UBE2QL1: variants seen among roughly 807,000 people sequenced by gnomAD.
UBE2QL1 encodes ubiquitin conjugating enzyme E2 QL1.
In UBE2QL1, 5 loss-of-function variants were observed where a neutral mutation model predicts 12.6. That is an observed-to-expected ratio of 0.40 (90% confidence interval 0.21 to 0.83). UBE2QL1 has a LOEUF of 0.83. UBE2QL1 is among the 40% of genes least tolerant of loss of function. UBE2QL1 has a pLI of 0.37. For synonymous variants in UBE2QL1, 96 were observed against 94.5 expected (o/e 1.02, Z -0.10); for missense variants, 99 against 222.6 (o/e 0.44, Z 3.53).
intron 1 of UBE2QL1, among the ~76,000 whole-genome samples, chr5:6,465,642 G>A (rs1739771397): frequency 1.3e-5 from 2 of 152,242 alleles, no homozygotes; most frequent in South Asian, 4.1e-4. Context: ...TGCTTCGGGT[G>A]CCCCTCTCCG....
intron 1 of UBE2QL1, among the ~76,000 whole-genome samples, chr5:6,453,448 C>G (rs76739755): frequency 1.7e-3 from 264 of 152,316 alleles, no homozygotes; most frequent in African/African-American, 6.1e-3. Context: ...AAAAGATTCA[C>G]AGAACATCAG....
At chr5:6,455,757 C>T (rs1739507046) in intron 1 of UBE2QL1, among the ~76,000 whole-genome samples, 1 of 152,006 alleles carries the variant, frequency 6.6e-6, no homozygotes, top group African/African-American at 2.4e-5. Flanking sequence ...GCAGACACAG[C>T]CTCACCCACC....
intron 1 of UBE2QL1, among the ~76,000 whole-genome samples, chr5:6,485,235 C>G (rs1734440069): frequency 6.6e-6 from 1 of 152,198 alleles, no homozygotes; most frequent in Admixed American, 6.5e-5. Context: ...TGTTTCCTGT[C>G]TCATCCGACT....
At chr5:6,480,118 T>C (rs1579299273) in intron 1 of UBE2QL1, among the ~76,000 whole-genome samples, 1 of 152,220 alleles carries the variant, frequency 6.6e-6, no homozygotes, top group East Asian at 1.9e-4. Context: ...CAGTATCTTG[T>C]TTGCCTTCTC....
chr5:6,456,094 C>G lies in UBE2QL1; in HGVS notation c.354+6847C>G, dbSNP rs1379078712. On this transcript the variant is annotated intron_variant, in intron 1 of 1. Coordinates refer to ENST00000399816, the MANE Select transcript of UBE2QL1 (RefSeq NM_001145161.3). ...CGGGAATCGAGTGCCTCCCGTCATG[C>G]AGGAACTTCCTAGGCATCATTGGGG... Among the ~76,000 whole-genome samples, 3 of 152,334 alleles carry G rather than the reference C, an allele frequency of 2.0e-5. No homozygotes were observed. In the East Asian group the frequency reaches 5.8e-4, roughly 29 times the overall value.
intron 1 of UBE2QL1, among the ~76,000 whole-genome samples, chr5:6,474,410 C>T (rs1734175520): frequency 1.3e-5 from 2 of 152,224 alleles, no homozygotes; most frequent in Non-Finnish European, 2.9e-5. Flanking sequence ...CTTGCCAATG[C>T]TCAGACATCA....
chr5:6,467,897 T>G (rs1479493870), intron 1 of UBE2QL1, among the ~76,000 whole-genome samples: 2 of 152,166 alleles, frequency 1.3e-5, no homozygotes, highest in African/African-American at 4.8e-5. Context: ...AATTTTTTCT[T>G]TCTTCCTTTT....
chr5:6,491,110 G>A (rs1734558044), intron 1 of UBE2QL1, 108 bp from the exon 2 acceptor site: 2 of 1,284,968 alleles, frequency 1.6e-6, no homozygotes, highest in Non-Finnish European at 2.1e-6. Context: ...GCATTGCATT[G>A]ATTCAGACAT....
intron 1 of UBE2QL1, among the ~76,000 whole-genome samples, chr5:6,469,578 G>GTA (rs1015735676): frequency 9.3e-5 from 13 of 140,486 alleles, no homozygotes; most frequent in East Asian, 4.0e-4. Context: ...GTGTGTGTGT[G>GTA]TATATATATA....
chr5:6,483,269 C>G (rs1031885377), intron 1 of UBE2QL1, among the ~76,000 whole-genome samples: 13 of 152,048 alleles, frequency 8.5e-5, no homozygotes, highest in African/African-American at 3.1e-4. Flanking sequence ...AACCCCGTCT[C>G]TACTGAAAAT....
intron 1 of UBE2QL1, among the ~76,000 whole-genome samples, chr5:6,490,519 C>T (rs73038183): frequency 0.035 from 5,278 of 152,240 alleles, 318 homozygotes; most frequent in African/African-American, 0.12. Flanking sequence ...CACCCCCTCC[C>T]GGGATCGTGT....
At chr5:6,468,236 C>T (rs192154030) in intron 1 of UBE2QL1, among the ~76,000 whole-genome samples, 62 of 152,282 alleles carry the variant, frequency 4.1e-4, no homozygotes, top group African/African-American at 1.3e-3. Flanking sequence ...CCTGGTTGAG[C>T]GAGCCCCCTG....
Position 6,449,193 on chromosome 5 carries a change from C to T in UBE2QL1, c.300C>T (p.Ala100=), listed in dbSNP as rs11959306. 1 of 1,501,908 alleles carries T rather than the reference C, an allele frequency of 6.7e-7. No individual in the cohort carries two copies. The highest frequency in any genetic ancestry group is 8.9e-7 in the Non-Finnish European group (1 of 1,120,768). 93.0% of individuals were successfully genotyped at this position (1,501,908 alleles called of 1,614,324 possible). The part of the protein sequence containing the change: ...ELLTPRGWSS[A]YTVEAVMRQF... ...TCACGCCGCGCGGCTGGTCCAGCGCCTACACCGTGGAGGCCGTCATGCGCC... is the reference window on the plus strand; with the variant it reads ...TCACGCCGCGCGGCTGGTCCAGCGCTTACACCGTGGAGGCCGTCATGCGCC... The change falls in exon 1 of 2, where the codon GCC becomes GCT. Residue 100 remains alanine (A), a synonymous_variant. Transcript: ENST00000399816.
intron 1 of UBE2QL1, among the ~76,000 whole-genome samples, chr5:6,474,945 G>A (rs898611952): frequency 6.6e-6 from 1 of 152,206 alleles, no homozygotes. Context: ...TCCGTCTTGA[G>A]GAGAGGCTGG....
chr5:6,477,703 C>T (rs1013141881), intron 1 of UBE2QL1, among the ~76,000 whole-genome samples: 5 of 152,170 alleles, frequency 3.3e-5, no homozygotes, highest in Non-Finnish European at 4.4e-5. Context: ...ATTTGGGTGG[C>T]AGGGAGAGGC....
At chr5:6,489,424 TA>T (rs755544915) in intron 1 of UBE2QL1, among the ~76,000 whole-genome samples, 264 of 108,100 alleles carry the variant, frequency 2.4e-3, no homozygotes, top group Middle Eastern at 4.2e-3. Context: ...ATCCTGTCTG[TA>T]AAAAAAAAAA....
chr5:6,491,500 A>C lies in UBE2QL1; in HGVS notation c.*151A>C. On this transcript the variant is annotated 3_prime_UTR_variant, in exon 2 of 2. Transcript: ENST00000399816. The stretch of plus-strand genomic sequence containing the variant: ...GGAGACGTTTAAGTTATTTATGAAA[A>C]GATGTGTGTACAGAGAGGAAGAGGG... 3.7e-6 allele frequency: 4 copies of C among 1,091,498 alleles called. No individual in the cohort carries two copies. The highest frequency in any genetic ancestry group is 5.0e-6 in the Non-Finnish European group (4 of 798,452). 67.6% of individuals were successfully genotyped at this position (1,091,498 alleles called of 1,614,324 possible).
At chr5:6,460,506 A>G (rs745569194) in intron 1 of UBE2QL1, among the ~76,000 whole-genome samples, 1 of 152,092 alleles carries the variant, frequency 6.6e-6, no homozygotes, top group Non-Finnish European at 1.5e-5. Context: ...TTCACAGGAA[A>G]CTCAGAAGAG....
intron 1 of UBE2QL1, among the ~76,000 whole-genome samples, chr5:6,461,940 G>A (rs1739676377): frequency 6.6e-6 from 1 of 152,176 alleles, no homozygotes; most frequent in Non-Finnish European, 1.5e-5. Context: ...CAGGCTCTCA[G>A]CCCTCGGCGT....
Sources: gnomAD v4.1 joint callset for allele counts (sites outside exome capture counted in the v4.1 genomes callset) on GRCh38, gnomAD v4.1.1 for gene constraint, MANE v1.5 for transcripts, NCBI Gene and HGNC (gene_info 2026-07-23, HGNC 2026-07-21) for gene names.